Variants in FGR observed in about 807,000 individuals in gnomAD.
FGR encodes tyrosine-protein kinase Fgr.
FGR carries 26 observed loss-of-function variants against 63.2 expected under a neutral mutation model. The ratio of observed to expected loss-of-function variants is 0.41; its 90% CI spans 0.30 to 0.57. The LOEUF (loss-of-function observed/expected upper bound fraction) is 0.57, where lower values mean the gene tolerates loss of function less well. Among genes scored for constraint, FGR ranks in the 20% least tolerant of loss-of-function variants. The pLI is 0.27. For synonymous variants in FGR, 286 were observed against 277.7 expected, an observed-to-expected ratio of 1.03 and a Z score of -0.30; for missense variants, 511 against 690.8, an observed-to-expected ratio of 0.74 and a Z score of 2.92.
chr1:27,614,027 G>A (rs2089750667), intron 11 of FGR, among the ~76,000 whole-genome samples: 1 of 152,144 alleles, frequency 6.6e-6, no homozygotes, highest in Non-Finnish European at 1.5e-5. Flanking sequence ...GAGTAGTTAG[G>A]TAACTTGCCC....
At position 27,614,495 on chromosome 1, in the gene FGR, G is replaced by T. The variant is rs141214383; in HGVS notation, c.1184C>A (p.Ala395Glu). The T allele has an allele frequency of 6.2e-7, 1 of 1,613,576 alleles. No individual in the cohort carries two copies. ...CAAGCCAAAGTCTGCGATCTTGCAC[G>T]CCAGCCGCTCCCCAACCAGGATGTT... ...AANILVGERL[A>E]CKIADFGLAR... The change falls in exon 11 of 13, where the codon GCG becomes GAG. Residue 395 changes from alanine to glutamate, a missense_variant. Ala to Glu is a moderately radical substitution (Grantham distance 107). Transcript: ENST00000374005.
chr1:27,633,365 G>A (rs2090133339), intron 1 of FGR, among the ~76,000 whole-genome samples: 1 of 152,150 alleles, frequency 6.6e-6, no homozygotes. Context: ...GGATGCCAAG[G>A]ACATCAGGGC....
intron 1 of FGR, among the ~76,000 whole-genome samples, chr1:27,625,865 G>C (rs2090013634): frequency 6.6e-6 from 1 of 152,168 alleles, no homozygotes; most frequent in Admixed American, 6.5e-5. Context: ...CTTGAACCTG[G>C]GAGGTGGAGC....
intron 5 of FGR, among the ~76,000 whole-genome samples, chr1:27,618,831 C>T (rs2089864599): frequency 6.6e-6 from 1 of 152,216 alleles, no homozygotes; most frequent in Non-Finnish European, 1.5e-5. Context: ...TCTGCTGTAT[C>T]TTCTCGCCTT....
chr1:27,630,264 C>A lies in FGR; in HGVS notation c.-77+4801G>T, dbSNP rs945944541. ...GAGACGGGGTTTCACCGTGTTAGCC[C>A]GGATGGTCTCGATCTCCTGACCTCG... On this transcript the variant is annotated intron_variant, in intron 1 of 12. Transcript: ENST00000374005. Among the ~76,000 whole-genome samples the A allele has an allele frequency of 1.6e-4, 24 of 152,134 alleles. No homozygotes were observed. The South Asian group carries it at 3.1e-3, about 20-fold the overall frequency.
chr1:27,623,246 A>G, intron 3 of FGR, 102 bp from the exon 4 acceptor site: 1 of 805,856 alleles, frequency 1.2e-6, no homozygotes, highest in Non-Finnish European at 2.1e-6. Context: ...GCACCTCCCC[A>G]CTCCTTTAGT....
intron 2 of FGR, 96 bp from the exon 3 acceptor site, chr1:27,624,025 C>G (rs531452938): frequency 9.2e-7 from 1 of 1,086,050 alleles, no homozygotes; most frequent in South Asian, 1.6e-5. Flanking sequence ...CATACAGGCA[C>G]GTGGCTTTCC....
chr1:27,633,613 A>G (rs2090136937), intron 1 of FGR, among the ~76,000 whole-genome samples: 1 of 152,164 alleles, frequency 6.6e-6, no homozygotes, highest in African/African-American at 2.4e-5. Flanking sequence ...TCTCTCATCC[A>G]GGAGCTCTCA....
chr1:27,624,411 G>T (rs1055739563), intron 2 of FGR, among the ~76,000 whole-genome samples: 8 of 152,024 alleles, frequency 5.3e-5, no homozygotes, highest in Non-Finnish European at 2.9e-5. Context: ...TAATTTGTTT[G>T]ATTTTTAGTA....
chr1:27,631,972 C>T (rs1210994161), intron 1 of FGR, among the ~76,000 whole-genome samples: 1 of 151,948 alleles, frequency 6.6e-6, no homozygotes, highest in Non-Finnish European at 1.5e-5. Flanking sequence ...CCCACTGTGC[C>T]GCATCTCTCA....
At chr1:27,624,006 T>A in intron 2 of FGR, 77 bp from the exon 3 acceptor site, 6 of 1,212,664 alleles carry the variant, frequency 4.9e-6, no homozygotes, top group Non-Finnish European at 3.5e-6. Context: ...ATGCACATGC[T>A]CATACGCTCA....
intron 1 of FGR, among the ~76,000 whole-genome samples, chr1:27,630,867 A>G (rs925912055): frequency 3.6e-4 from 54 of 151,602 alleles, no homozygotes; most frequent in African/African-American, 1.3e-3. Flanking sequence ...AGTGCTCCTC[A>G]CTTCAACATC....
At chr1:27,629,573 A>C (rs918547489) in intron 1 of FGR, among the ~76,000 whole-genome samples, 1 of 152,238 alleles carries the variant, frequency 6.6e-6, no homozygotes, top group Non-Finnish European at 1.5e-5. Context: ...CTCTGCTCAG[A>C]CATCTGCATG....
rs536587536 is a variant in FGR at position 27,613,007 on chromosome 1, C to G, written c.1497G>C (p.Pro499=). The stretch of plus-strand genomic sequence containing the variant: ...GGTACTCGAAGGTAGGCCTCTCCTC[C>G]GGGTCCAGACGCCAGGTCTGTTCCA... ...EAMEQTWRLD[P]EERPTFEYLQ... Residue 499 remains proline (P), a synonymous_variant, in exon 13 of 13, where the codon CCG becomes CCC. Transcript: ENST00000374005. The G allele has an allele frequency of 1.2e-6, 2 of 1,614,092 alleles. No homozygotes were observed. Among genetic ancestry groups the G allele is most frequent in the African/African-American group, 1.3e-5 (1 of 74,926 alleles).
intron 5 of FGR, among the ~76,000 whole-genome samples, 159 bp downstream of exon 5, chr1:27,621,400 T>C (rs990855445): frequency 1.3e-5 from 2 of 152,202 alleles, no homozygotes; most frequent in African/African-American, 4.8e-5. Flanking sequence ...CTATTATTAT[T>C]ATCAGTACAA....
intron 1 of FGR, among the ~76,000 whole-genome samples, chr1:27,633,032 AGGGTTCAT>A (rs1055156915): frequency 6.6e-6 from 1 of 152,132 alleles, no homozygotes; most frequent in Non-Finnish European, 1.5e-5. Flanking sequence ...CATATGCTCA[AGGGTTCAT>A]GCTCATTCAC....
intron 4 of FGR, 130 bp downstream of exon 4, chr1:27,622,912 G>A: frequency 1.5e-6 from 1 of 668,836 alleles, no homozygotes; most frequent in Non-Finnish European, 2.7e-6. Flanking sequence ...GTCACCCAGG[G>A]TTTTTATTGT....
chr1:27,615,391 A>G lies in FGR; in HGVS notation c.1018+43T>C. ...TCCCACGCCTGAAAACTCCCCTCTTAACTTCACCCCGAATCCCGCCCGACC... is the reference window on the plus strand; with the variant it reads ...TCCCACGCCTGAAAACTCCCCTCTTGACTTCACCCCGAATCCCGCCCGACC... On this transcript the variant is annotated intron_variant, in intron 9 of 12. Coordinates refer to ENST00000374005, the MANE Select transcript of FGR (RefSeq NM_005248.3). This position sits in a 1 kb window ranked among gnomAD's most constrained non-coding sequence, Gnocchi z 7.6. 6.4e-7 allele frequency: 1 copy of G among 1,573,906 alleles called. No individual in the cohort carries two copies. The highest frequency in any genetic ancestry group is 8.7e-7 in the Non-Finnish European group (1 of 1,153,076).
intron 11 of FGR, 28 bp from the exon 12 acceptor site, chr1:27,613,378 T>C: frequency 6.2e-7 from 1 of 1,610,548 alleles, no homozygotes; most frequent in Non-Finnish European, 8.5e-7. Flanking sequence ...GCAGGGAAAG[T>C]TAGTGAGGGG....
Sources: gnomAD v4.1 joint callset for allele counts (sites outside exome capture counted in the v4.1 genomes callset) on GRCh38, gnomAD v4.1.1 for gene constraint, Gnocchi (gnomAD v3.1) non-coding constraint, MANE v1.5 for transcripts, NCBI Gene and HGNC (gene_info 2026-07-23, HGNC 2026-07-21) for gene names.